The following ADAMTS12 variants were observed in gnomAD, a reference collection of about 807,000 sequenced individuals.
ADAMTS12 encodes the protein A disintegrin and metalloproteinase with thrombospondin motifs 12.
In ADAMTS12, 118 loss-of-function variants were observed where a neutral mutation model predicts 167.8. The observed-to-expected ratio is 0.70, with a 90% CI of 0.61 to 0.82. The LOEUF (loss-of-function observed/expected upper bound fraction) is 0.82. Ranked by LOEUF, ADAMTS12 falls within the 40% of genes least tolerant of loss-of-function variation. The probability of loss-of-function intolerance (pLI) is 0.00; values close to 1 mark genes in which losing one functional copy is unlikely to be tolerated. For synonymous variants in ADAMTS12, 704 were observed against 716.9 expected (o/e 0.98, Z 0.29); for missense variants, 1,916 against 1,998.8 (o/e 0.96, Z 0.79).
Position 33,633,439 on chromosome 5 carries a change from G to C in ADAMTS12, c.1889-2526C>G, listed in dbSNP as rs529277124. 1.1e-4 allele frequency among the ~76,000 whole-genome samples: 17 copies of C among 151,120 alleles called. No homozygotes were observed. The East Asian group carries it at 1.2e-3, about 11-fold the overall frequency. On this transcript the variant is annotated intron_variant, in intron 12 of 23. Transcript: ENST00000504830. ...TTATGGAGTCTTAGAAATTATCCAG[G>C]AAATAACATTTATAATAACAACAAT... is the stretch of plus-strand genomic sequence containing the variant.
At chr5:33,749,385 C>G (rs1482855207) in intron 3 of ADAMTS12, among the ~76,000 whole-genome samples, 1 of 152,098 alleles carries the variant, frequency 6.6e-6, no homozygotes, top group African/African-American at 2.4e-5. Flanking sequence ...ACAATTCTTT[C>G]CCTTCTCTGA....
At chr5:33,831,309 A>G (rs1372595173) in intron 2 of ADAMTS12, among the ~76,000 whole-genome samples, 1 of 152,226 alleles carries the variant, frequency 6.6e-6, no homozygotes, top group Non-Finnish European at 1.5e-5. Context: ...GAGATTATAC[A>G]ATGGAAAGAT....
chr5:33,540,522 C>G (rs999600916), intron 22 of ADAMTS12, among the ~76,000 whole-genome samples: 24 of 152,228 alleles, frequency 1.6e-4, no homozygotes, highest in African/African-American at 5.1e-4. Flanking sequence ...GGTCCCTGAC[C>G]CTTGTGTAGC....
chr5:33,700,656 C>A lies in ADAMTS12; in HGVS notation c.635-16601G>T, dbSNP rs80071375. 0.015 allele frequency among the ~76,000 whole-genome samples: 2,311 copies of A among 152,178 alleles called. 199 individuals are homozygous for A. In the East Asian group the frequency reaches 0.25, roughly 17 times the overall value. Reference sequence around the variant, plus strand: ...AAAATATACTTGCGATAAAACCATACAGAACTAATTACACGCACACACACG... The same window carrying A: ...AAAATATACTTGCGATAAAACCATAAAGAACTAATTACACGCACACACACG... On this transcript the variant is annotated intron_variant, in intron 3 of 23. Coordinates refer to ENST00000504830, the MANE Select transcript of ADAMTS12 (RefSeq NM_030955.4).
At position 33,570,890 on chromosome 5, in the gene ADAMTS12, G is replaced by C. The variant is rs547237724; in HGVS notation, c.3972+5164C>G. Among the ~76,000 whole-genome samples the C allele has an allele frequency of 1.5e-4, 22 of 151,048 alleles. No homozygotes were observed. In the South Asian group the frequency reaches 4.5e-3, roughly 31 times the overall value. ...AGACACACATAGGCTCAAAATAAAA[G>C]GATGGAGGAAGATCTACCAAGCAAA... On this transcript the variant is annotated intron_variant, in intron 19 of 23. Transcript: ENST00000504830.
intron 2 of ADAMTS12, among the ~76,000 whole-genome samples, chr5:33,820,067 T>A (rs1747814670): frequency 6.6e-6 from 1 of 152,184 alleles, no homozygotes. Context: ...TGGAACTGGC[T>A]AACTGTGGCC....
intron 13 of ADAMTS12, among the ~76,000 whole-genome samples, chr5:33,627,524 G>A (rs1368536469): frequency 6.6e-6 from 1 of 151,876 alleles, no homozygotes; most frequent in Non-Finnish European, 1.5e-5. Context: ...TAGTGGTGGT[G>A]GTATAGTGAG....
chr5:33,726,289 T>C (rs993848247), intron 3 of ADAMTS12, among the ~76,000 whole-genome samples: 2 of 152,294 alleles, frequency 1.3e-5, no homozygotes, highest in East Asian at 3.9e-4. Context: ...GTAGGTACAG[T>C]TGAGGAGGCC....
chr5:33,684,154 T>C (rs1742237385), intron 3 of ADAMTS12, 99 bp from the exon 4 acceptor site: 1 of 911,846 alleles, frequency 1.1e-6, no homozygotes, highest in Admixed American at 4.2e-5. Context: ...TTAATTTACA[T>C]TTAATAATAT....
intron 19 of ADAMTS12, among the ~76,000 whole-genome samples, chr5:33,573,912 C>G (rs1267854888): frequency 6.6e-6 from 1 of 152,134 alleles, no homozygotes; most frequent in Admixed American, 6.5e-5. Flanking sequence ...AAAAAACAAA[C>G]AACCCCATCG....
At chr5:33,777,928 G>A (rs1231545535) in intron 2 of ADAMTS12, among the ~76,000 whole-genome samples, 1 of 151,756 alleles carries the variant, frequency 6.6e-6, no homozygotes, top group East Asian at 1.9e-4. Flanking sequence ...ATTTATAATA[G>A]GAGAAACAAA....
At chr5:33,727,703 C>G (rs901869654) in intron 3 of ADAMTS12, among the ~76,000 whole-genome samples, 3 of 152,164 alleles carry the variant, frequency 2.0e-5, no homozygotes, top group Non-Finnish European at 1.5e-5. Flanking sequence ...GGAACACACT[C>G]TTTCTTAGAT....
At chr5:33,680,713 G>A (rs1040507373) in intron 5 of ADAMTS12, among the ~76,000 whole-genome samples, 2 of 152,102 alleles carry the variant, frequency 1.3e-5, no homozygotes, top group Admixed American at 1.3e-4. Flanking sequence ...GAGGAGACAG[G>A]CAAGATAATT....
intron 3 of ADAMTS12, among the ~76,000 whole-genome samples, chr5:33,740,460 A>G (rs1265815426): frequency 6.6e-6 from 1 of 152,178 alleles, no homozygotes; most frequent in African/African-American, 2.4e-5. Context: ...CACCACTCCA[A>G]CCCACCACAG....
At chr5:33,688,619 C>T (rs533696310) in intron 3 of ADAMTS12, among the ~76,000 whole-genome samples, 7 of 152,170 alleles carry the variant, frequency 4.6e-5, no homozygotes, top group Non-Finnish European at 7.3e-5. Context: ...CACGCCTTGA[C>T]GAAGCCACAC....
At chr5:33,873,798 G>A (rs551268153) in intron 2 of ADAMTS12, among the ~76,000 whole-genome samples, 1 of 152,332 alleles carries the variant, frequency 6.6e-6, no homozygotes, top group South Asian at 2.1e-4. Context: ...GAAAGGCAAT[G>A]TAATGAAGAA....
chr5:33,535,419 C>A (rs971505403), intron 22 of ADAMTS12, among the ~76,000 whole-genome samples: 4 of 152,072 alleles, frequency 2.6e-5, no homozygotes, highest in African/African-American at 9.7e-5. Flanking sequence ...GAATTGAGAC[C>A]CAGCCAGAGA....
chr5:33,731,197 T>G (rs1003153854), intron 3 of ADAMTS12, among the ~76,000 whole-genome samples: 4 of 151,956 alleles, frequency 2.6e-5, no homozygotes, highest in African/African-American at 9.7e-5. Context: ...TTTCTTTTTT[T>G]TTTTTTGAGA....
At position 33,576,787 on chromosome 5, in the gene ADAMTS12, T is replaced by C. The variant is rs1050367148; in HGVS notation, c.3239A>G (p.Tyr1080Cys). ...GGAAGTGCTTCCAGTGGAAATGAGATAGCGAGAGCTCAGCTCAGGTTGGGT... is the reference window on the plus strand; with the variant it reads ...GGAAGTGCTTCCAGTGGAAATGAGACAGCGAGAGCTCAGCTCAGGTTGGGT... ...SSTQPELSSR[Y>C]LISTGSTSQP... is the part of the protein sequence containing the mutation. The change falls in exon 19 of 24, where the codon TAT becomes TGT. Residue 1080 changes from tyrosine (Y) to cysteine (C), a missense_variant. By Grantham distance (194) the Tyr-to-Cys change is radical. Coordinates refer to ENST00000504830, the MANE Select transcript of ADAMTS12 (RefSeq NM_030955.4). 2 of 1,614,082 alleles carry C rather than the reference T, an allele frequency of 1.2e-6. No homozygotes were observed. Among genetic ancestry groups the C allele is most frequent in the African/African-American group, 1.3e-5 (1 of 74,928 alleles).
Sources: allele counts gnomAD v4.1 joint callset (sites outside exome capture counted in the v4.1 genomes callset), GRCh38; gene constraint gnomAD v4.1.1; transcripts MANE v1.5; gene names NCBI Gene and HGNC (gene_info 2026-07-23, HGNC 2026-07-21).